The following MYO3B variants were observed in gnomAD, a reference collection of about 807,000 sequenced individuals.
MYO3B encodes the protein myosin IIIB, also known as myosin-IIIb.
Under a neutral mutation model 174.6 loss-of-function variants are expected in MYO3B, and 156 were observed. The ratio of observed to expected loss-of-function variants is 0.89; its 90% confidence interval spans 0.78 to 1.02. The LOEUF (loss-of-function observed/expected upper bound fraction) is 1.02, where lower values mean the gene tolerates loss of function less well. Ranked by LOEUF, MYO3B falls within the 50% of genes least tolerant of loss-of-function variation. The pLI is 0.00. For synonymous variants in MYO3B, 563 were observed against 569.1 expected (o/e 0.99, Z 0.15); for missense variants, 1,632 against 1,639.4 (o/e 1.00, Z 0.08).
intron 32 of MYO3B, among the ~76,000 whole-genome samples, chr2:170,605,384 T>C (rs767928024): frequency 1.7e-4 from 26 of 152,182 alleles, no homozygotes; most frequent in Non-Finnish European, 3.1e-4. Context: ...GATGCCCCAG[T>C]TCATATGTCC....
intron 7 of MYO3B, among the ~76,000 whole-genome samples, chr2:170,318,415 G>A (rs1274898890): frequency 6.6e-6 from 1 of 152,150 alleles, no homozygotes; most frequent in Non-Finnish European, 1.5e-5. Context: ...ATACCTTGTA[G>A]TCAATGCAGA....
chr2:170,214,635 A>T, intron 4 of MYO3B, 94 bp from the exon 5 acceptor site: 1 of 1,345,210 alleles, frequency 7.4e-7, no homozygotes, highest in Non-Finnish European at 1.1e-6. Flanking sequence ...GACTTTCATG[A>T]GACTTTTCAA....
At chr2:170,623,243 T>G (rs541912957) in intron 32 of MYO3B, among the ~76,000 whole-genome samples, 33 of 152,332 alleles carry the variant, frequency 2.2e-4, no homozygotes, top group Non-Finnish European at 2.4e-4. Flanking sequence ...TGTTGTTTCC[T>G]GACTTTTTAA....
At chr2:170,442,771 C>T (rs80329298) in intron 22 of MYO3B, among the ~76,000 whole-genome samples, 2 of 151,902 alleles carry the variant, frequency 1.3e-5, no homozygotes, top group South Asian at 2.1e-4. Context: ...TCTGTCCTTG[C>T]GATAGTTTGC....
At chr2:170,196,184 G>C (rs1286299805) in intron 1 of MYO3B, among the ~76,000 whole-genome samples, 1 of 152,178 alleles carries the variant, frequency 6.6e-6, no homozygotes, top group Non-Finnish European at 1.5e-5. Context: ...TTAGAATAGA[G>C]CCTGATTATT....
At chr2:170,352,319 A>G (rs1268899837) in intron 8 of MYO3B, among the ~76,000 whole-genome samples, 2 of 152,206 alleles carry the variant, frequency 1.3e-5, no homozygotes, top group African/African-American at 4.8e-5. Context: ...AGTTAAGCAA[A>G]CATGTTAAAC....
chr2:170,180,230 A>G (rs780053653), intron 1 of MYO3B: 1 of 414,254 alleles, frequency 2.4e-6, no homozygotes, highest in South Asian at 1.7e-5. Context: ...TCAACAAGGG[A>G]TCAGACTAGA....
At chr2:170,248,029 G>C (rs2093211115) in intron 7 of MYO3B, among the ~76,000 whole-genome samples, 1 of 151,972 alleles carries the variant, frequency 6.6e-6, no homozygotes, top group Non-Finnish European at 1.5e-5. Flanking sequence ...GGCAAATTTG[G>C]CTTGCTCTCT....
chr2:170,201,411 G>A (rs1184306530), intron 3 of MYO3B, among the ~76,000 whole-genome samples: 3 of 152,156 alleles, frequency 2.0e-5, no homozygotes, highest in Non-Finnish European at 4.4e-5. Flanking sequence ...AGCACCAGGG[G>A]AGAAACCAGC....
At chr2:170,413,813 G>T (rs914021763) in intron 22 of MYO3B, among the ~76,000 whole-genome samples, 8 of 152,250 alleles carry the variant, frequency 5.3e-5, no homozygotes, top group Admixed American at 4.6e-4. Context: ...GCCGAGGCGG[G>T]TGGATCACGA....
chr2:170,482,243 C>T (rs1366850336), intron 25 of MYO3B, among the ~76,000 whole-genome samples: 1 of 152,034 alleles, frequency 6.6e-6, no homozygotes, highest in Non-Finnish European at 1.5e-5. Context: ...GCAACCTCTC[C>T]CTCCAGATTC....
chr2:170,369,052 T>C (rs2094219329), intron 8 of MYO3B, among the ~76,000 whole-genome samples, 170 bp from the exon 9 acceptor site: 1 of 152,192 alleles, frequency 6.6e-6, no homozygotes, highest in Admixed American at 6.5e-5. Context: ...AATAGAGAAT[T>C]ACTATTTTTC....
intron 32 of MYO3B, among the ~76,000 whole-genome samples, chr2:170,624,994 C>T (rs547016771): frequency 4.4e-4 from 67 of 152,224 alleles, no homozygotes; most frequent in African/African-American, 1.5e-3. Context: ...ATTTTTGCAT[C>T]GATGTTCATC....
intron 30 of MYO3B, among the ~76,000 whole-genome samples, chr2:170,537,827 G>A (rs1341142167): frequency 6.6e-6 from 1 of 151,906 alleles, no homozygotes; most frequent in South Asian, 2.1e-4. Flanking sequence ...TTTCTTTTGG[G>A]GCTACCAAAT....
intron 22 of MYO3B, among the ~76,000 whole-genome samples, chr2:170,408,979 A>C (rs777143702): frequency 6.6e-6 from 1 of 152,134 alleles, no homozygotes; most frequent in Non-Finnish European, 1.5e-5. Context: ...GGAAAGGGCT[A>C]TCTGGTGTTT....
intron 30 of MYO3B, among the ~76,000 whole-genome samples, chr2:170,527,780 GT>G (rs1689098708): frequency 6.6e-6 from 1 of 152,200 alleles, no homozygotes; most frequent in Non-Finnish European, 1.5e-5. Context: ...CATAGGAAAC[GT>G]TTAGATGACT....
intron 1 of MYO3B, among the ~76,000 whole-genome samples, chr2:170,188,643 C>T (rs1318264348): frequency 6.6e-6 from 1 of 151,704 alleles, no homozygotes; most frequent in Non-Finnish European, 1.5e-5. Context: ...TTTTGATTTG[C>T]AGTTACCATG....
chr2:170,638,792 T>A (rs1222185836), intron 32 of MYO3B, among the ~76,000 whole-genome samples: 2 of 152,188 alleles, frequency 1.3e-5, no homozygotes, highest in African/African-American at 4.8e-5. Context: ...CCATTAAAAA[T>A]TACTACCTCA....
chr2:170,267,614 T>C (rs976718991), intron 7 of MYO3B, among the ~76,000 whole-genome samples: 1 of 152,222 alleles, frequency 6.6e-6, no homozygotes, highest in African/African-American at 2.4e-5. Flanking sequence ...AGCTCTGTAG[T>C]GTTATTCATT....
Sources: gnomAD v4.1 joint callset for allele counts (sites outside exome capture counted in the v4.1 genomes callset) on GRCh38, gnomAD v4.1.1 for gene constraint, MANE v1.5 for transcripts, NCBI Gene and HGNC (gene_info 2026-07-23, HGNC 2026-07-21) for gene names.